The following MTCL2 variants were observed in gnomAD, a reference collection of about 807,000 sequenced individuals.
MTCL2 encodes the protein microtubule cross-linking factor 2.
chr20:36,817,305 G>T, the MTCL2 span: 508 of 818,716 alleles, frequency 6.2e-4, no homozygotes, highest in Non-Finnish European at 8.7e-4. Flanking sequence ...AAAGGAAAAT[G>T]AGCAAGGGGA....
chr20:36,841,874 G>GGGTGTGTGTGTGTGT, the MTCL2 span, among the ~76,000 whole-genome samples: 4 of 110,766 alleles, frequency 3.6e-5, no homozygotes, highest in African/African-American at 1.3e-4. Context: ...TGGGGGGTGG[G>GGGTGTGTGTGTGTGT]GTGTGTGTGT....
the MTCL2 span, among the ~76,000 whole-genome samples, chr20:36,831,682 C>T: frequency 4.6e-5 from 7 of 152,216 alleles, no homozygotes; most frequent in Non-Finnish European, 8.8e-5. Context: ...CAGCCAGGAG[C>T]GGGCCCATGA....
the MTCL2 span, chr20:36,862,938 A>G: frequency 2.9e-6 from 4 of 1,380,154 alleles, no homozygotes; most frequent in South Asian, 1.4e-5. Flanking sequence ...CGCCAGCTCC[A>G]GGCCCAGCAG....
chr20:36,805,500 C>G, the MTCL2 span, among the ~76,000 whole-genome samples: 1 of 152,186 alleles, frequency 6.6e-6, no homozygotes, highest in Non-Finnish European at 1.5e-5. Context: ...ACCTCCCAAG[C>G]CATACTCAAT....
chr20:36,789,185 A>G, the MTCL2 span, among the ~76,000 whole-genome samples: 2 of 152,192 alleles, frequency 1.3e-5, no homozygotes, highest in Admixed American at 6.5e-5. Context: ...CAATATTTGG[A>G]TCAACTTTAA....
At chr20:36,793,760 G>A in the MTCL2 span, 1 of 1,541,558 alleles carries the variant, frequency 6.5e-7, no homozygotes, top group Non-Finnish European at 8.7e-7. This position sits in a 1 kb window ranked among gnomAD's most constrained non-coding sequence, Gnocchi z 6.8. Context: ...GAGCTTTGGT[G>A]AGCCATACTT....
At chr20:36,850,305 G>A in the MTCL2 span, among the ~76,000 whole-genome samples, 6 of 152,198 alleles carry the variant, frequency 3.9e-5, no homozygotes, top group East Asian at 1.2e-3. Flanking sequence ...GAGACGGACG[G>A]ATTACTTGAG....
At chr20:36,796,448 C>T in the MTCL2 span, among the ~76,000 whole-genome samples, 1 of 152,132 alleles carries the variant, frequency 6.6e-6, no homozygotes, top group Non-Finnish European at 1.5e-5. Flanking sequence ...GAGACGTGGT[C>T]CTTATGGTCT....
chr20:36,788,806 C>CTTTTTTT, the MTCL2 span, among the ~76,000 whole-genome samples: 1 of 142,572 alleles, frequency 7.0e-6, no homozygotes, highest in African/African-American at 2.7e-5. Context: ...CTTTTCTTTT[C>CTTTTTTT]TTTTTTTTTT....
At chr20:36,826,824 T>G in the MTCL2 span, among the ~76,000 whole-genome samples, 2 of 152,218 alleles carry the variant, frequency 1.3e-5, no homozygotes, top group Non-Finnish European at 2.9e-5. Context: ...TGTAAATATC[T>G]CTTTGAGTCT....
At chr20:36,792,873 C>T in the MTCL2 span, among the ~76,000 whole-genome samples, 619 of 151,086 alleles carry the variant, frequency 4.1e-3, 6 homozygotes, top group African/African-American at 0.014. Context: ...GACAGACAGA[C>T]AGACAGACAG....
At chr20:36,790,863 T>C in the MTCL2 span, among the ~76,000 whole-genome samples, 2 of 151,028 alleles carry the variant, frequency 1.3e-5, no homozygotes, top group South Asian at 4.2e-4. Context: ...ACATGAGCCA[T>C]TGCACCTGGC....
At chr20:36,786,486 C>T in the MTCL2 span, 1 of 1,535,692 alleles carries the variant, frequency 6.5e-7, no homozygotes, top group Non-Finnish European at 8.8e-7. Flanking sequence ...GCTGCTCTGT[C>T]ACTCGCTGGG....
chr20:36,820,352 G>A, the MTCL2 span, among the ~76,000 whole-genome samples: 1 of 152,156 alleles, frequency 6.6e-6, no homozygotes, highest in African/African-American at 2.4e-5. Context: ...GTGAATGAAT[G>A]AGATCACCTA....
At chr20:36,860,818 C>T in the MTCL2 span, among the ~76,000 whole-genome samples, 3 of 152,218 alleles carry the variant, frequency 2.0e-5, no homozygotes, top group African/African-American at 4.8e-5. Flanking sequence ...AATAGCAGCA[C>T]GAAGCCTGAG....
chr20:36,835,133 T>A, the MTCL2 span, among the ~76,000 whole-genome samples: 6 of 152,338 alleles, frequency 3.9e-5, no homozygotes, highest in East Asian at 1.2e-3. Context: ...ATCTCCATTT[T>A]CCATGAGGAA....
the MTCL2 span, among the ~76,000 whole-genome samples, chr20:36,792,947 C>A: frequency 6.6e-6 from 1 of 152,002 alleles, no homozygotes; most frequent in Non-Finnish European, 1.5e-5. Context: ...GTCTGTCACC[C>A]AGGCTGGAGT....
At chr20:36,861,128 T>TTC in the MTCL2 span, among the ~76,000 whole-genome samples, 1 of 152,012 alleles carries the variant, frequency 6.6e-6, no homozygotes, top group Non-Finnish European at 1.5e-5. Flanking sequence ...AACTCAGAGT[T>TTC]TCGGTTAAGG....
the MTCL2 span, chr20:36,797,639 C>T: frequency 2.8e-6 from 4 of 1,438,968 alleles, no homozygotes; most frequent in Non-Finnish European, 3.8e-6. Flanking sequence ...CTGCTCTAAG[C>T]AAGGCCATTC....
Sources: gnomAD v4.1 joint callset for allele counts (sites outside exome capture counted in the v4.1 genomes callset) on GRCh38, gnomAD v4.1.1 for gene constraint, Gnocchi (gnomAD v3.1) non-coding constraint, MANE v1.5 for transcripts, NCBI Gene and HGNC (gene_info 2026-07-23, HGNC 2026-07-21) for gene names.